Variants in CDH23 observed in about 807,000 individuals in gnomAD.
CDH23 encodes the protein cadherin-23.
A neutral mutation model predicts 317.1 loss-of-function variants in CDH23; 189 were observed. The observed-to-expected ratio is 0.60, with a 90% CI of 0.53 to 0.67. The LOEUF (loss-of-function observed/expected upper bound fraction) is 0.67, where lower values mean the gene tolerates loss of function less well. Among genes scored for constraint, CDH23 ranks in the 30% least tolerant of loss-of-function variants. The pLI, the probability that CDH23 is intolerant of heterozygous loss-of-function variation, is 0.00. For synonymous variants in CDH23, 1,839 were observed against 1,876.8 expected (o/e 0.98, Z 0.52); for missense variants, 4,401 against 4,592.4 (o/e 0.96, Z 1.20).
At chr10:71,771,699 C>T (rs1267918531) in intron 38 of CDH23, among the ~76,000 whole-genome samples, 1 of 152,224 alleles carries the variant, frequency 6.6e-6, no homozygotes, top group Non-Finnish European at 1.5e-5. Context: ...AGAGATGACC[C>T]TTTAGTATAC....
intron 1 of CDH23, among the ~76,000 whole-genome samples, chr10:71,420,490 G>A (rs1848741026): frequency 8.0e-6 from 1 of 124,542 alleles, no homozygotes; most frequent in Non-Finnish European, 1.7e-5. Flanking sequence ...TGGTGATGGT[G>A]ATGATGGTAA....
intron 2 of CDH23, among the ~76,000 whole-genome samples, chr10:71,445,428 CCA>C (rs1350022493): frequency 3.9e-5 from 6 of 152,216 alleles, no homozygotes; most frequent in Non-Finnish European, 8.8e-5. Flanking sequence ...CACCAGGGTT[CCA>C]CCCGTCAACC....
chr10:71,717,526 C>A (rs1283907487), intron 28 of CDH23: 1 of 152,290 alleles, frequency 6.6e-6, no homozygotes, highest in Non-Finnish European at 1.5e-5. Context: ...AGCAGACGGT[C>A]CTTGTCGATG....
chr10:71,709,011 C>T (rs1232503245), intron 26 of CDH23, 87 bp from the exon 27 acceptor site: 9 of 1,195,500 alleles, frequency 7.5e-6, no homozygotes, highest in East Asian at 2.4e-5. Context: ...CTCACCATCG[C>T]GGGTCCCAGC....
At chr10:71,428,918 T>C (rs72642226) in intron 1 of CDH23, among the ~76,000 whole-genome samples, 1,705 of 152,288 alleles carry the variant, frequency 0.011, 74 homozygotes, top group East Asian at 0.11. Flanking sequence ...TATGGAGAAA[T>C]TTGCCTCCTT....
intron 6 of CDH23, among the ~76,000 whole-genome samples, chr10:71,523,636 G>A (rs1015912591): frequency 1.1e-4 from 16 of 152,192 alleles, no homozygotes; most frequent in African/African-American, 2.9e-4. Flanking sequence ...TAGAGATCCC[G>A]TTTAACCGTT....
At chr10:71,683,996 G>A (rs375288790) in intron 18 of CDH23, among the ~76,000 whole-genome samples, 5 of 151,898 alleles carry the variant, frequency 3.3e-5, no homozygotes, top group Admixed American at 6.6e-5. Flanking sequence ...CAGGAGAATC[G>A]TTTGAACTCA....
chr10:71,574,701 G>C (rs1564662406), intron 8 of CDH23, among the ~76,000 whole-genome samples: 2 of 152,268 alleles, frequency 1.3e-5, no homozygotes, highest in Admixed American at 1.3e-4. Context: ...TGTGTCCACG[G>C]CTTTCCTGAC....
chr10:71,812,597 C>G lies in CDH23; in HGVS notation c.9498C>G (p.Pro3166=), dbSNP rs1478540337. Reference sequence around the variant, plus strand: ...AGATCGCCGACCTGTGGAACAGCCCCACGCGCACCCATGTGAGCCAGAGGC... The same window carrying G: ...AGATCGCCGACCTGTGGAACAGCCCGACGCGCACCCATGTGAGCCAGAGGC... ...LSEIADLWNS[P]TRTHGTFGRE... is the part of the protein sequence containing the mutation. Residue 3166 remains proline (P), a synonymous_variant, in exon 67 of 70, where the codon CCC becomes CCG. Transcript: ENST00000224721. The G allele has an allele frequency of 1.2e-6, 2 of 1,613,964 alleles. No homozygotes were observed. Among genetic ancestry groups the G allele is most frequent in the Admixed American group, 1.7e-5 (1 of 60,036 alleles).
At chr10:71,479,821 A>G (rs1363255804) in intron 3 of CDH23, among the ~76,000 whole-genome samples, 1 of 151,892 alleles carries the variant, frequency 6.6e-6, no homozygotes, top group African/African-American at 2.4e-5. Flanking sequence ...AGAGGCTGGG[A>G]TGTGTGTGTG....
chr10:71,439,838 C>T lies in CDH23; in HGVS notation c.7C>T (p.Arg3Cys), dbSNP rs7902757. The part of the protein sequence containing the change: MG[R>C]HVATSCHVAW... ...CTTTGTGTCCCCAGGAGCCATGGGG[C>T]GCCATGTTGCCACCAGCTGCCACGT... The change falls in exon 2 of 70, where the codon CGC (arginine) becomes TGC (cysteine). Residue 3 changes from arginine to cysteine, a missense_variant. By Grantham distance (180) the Arg-to-Cys change is radical (BLOSUM62 -3). This residue lies in a region of CDH23 where 3,068 missense variants were observed against 3,203.3 expected (regional missense o/e 0.96). Coordinates refer to ENST00000224721, the MANE Select transcript of CDH23 (RefSeq NM_022124.6). The T allele has an allele frequency of 0.04, 63,043 of 1,563,838 alleles. 5,378 individuals are homozygous for T. Among genetic ancestry groups the T allele is most frequent in the African/African-American group, 0.35 (25,629 of 73,416 alleles).
intron 38 of CDH23, among the ~76,000 whole-genome samples, chr10:71,744,835 G>T (rs1247473331): frequency 6.6e-6 from 1 of 152,186 alleles, no homozygotes; most frequent in East Asian, 1.9e-4. Flanking sequence ...GAACCATGAT[G>T]CTTTCTTCCA....
intron 9 of CDH23, among the ~76,000 whole-genome samples, chr10:71,584,670 T>C (rs988745838): frequency 1.3e-5 from 2 of 151,958 alleles, no homozygotes; most frequent in Admixed American, 6.6e-5. Flanking sequence ...CATGGCCTAG[T>C]GGGGGACAGC....
At chr10:71,402,487 A>C (rs574049504) in intron 1 of CDH23, among the ~76,000 whole-genome samples, 4 of 152,318 alleles carry the variant, frequency 2.6e-5, no homozygotes, top group Non-Finnish European at 5.9e-5. Flanking sequence ...ATAATTTTTC[A>C]ATTGCCCTAT....
At chr10:71,666,835 G>C (rs1372503513) in intron 14 of CDH23, among the ~76,000 whole-genome samples, 2 of 152,206 alleles carry the variant, frequency 1.3e-5, no homozygotes, top group East Asian at 1.9e-4. Context: ...GCTTACAAGA[G>C]TGCAGTTAAT....
At chr10:71,671,842 G>A (rs778151717) in intron 14 of CDH23, among the ~76,000 whole-genome samples, 2 of 152,182 alleles carry the variant, frequency 1.3e-5, no homozygotes, top group Non-Finnish European at 2.9e-5. Context: ...TGGGTGGGAG[G>A]TAATGACAGT....
chr10:71,512,543 C>T (rs1183099514), intron 6 of CDH23, among the ~76,000 whole-genome samples: 2 of 152,204 alleles, frequency 1.3e-5, no homozygotes, highest in African/African-American at 4.8e-5. Flanking sequence ...ACCAAGGGCA[C>T]GGCTCAGAGT....
In CDH23 at chr10:71,766,461, T is replaced by C. The variant is rs546629228; in HGVS notation, c.4846-11219T>C. On this transcript the variant is annotated intron_variant, in intron 38 of 69. Transcript: ENST00000224721. ...TGAGTCTCAGGAGTAAAACTCTCGCTTGGATTGCAACGTCCTGGGGCCTCA... is the reference window on the plus strand; with the variant it reads ...TGAGTCTCAGGAGTAAAACTCTCGCCTGGATTGCAACGTCCTGGGGCCTCA... 1.3e-5 allele frequency among the ~76,000 whole-genome samples: 2 copies of C among 152,286 alleles called. 1 individual carries two copies. Among genetic ancestry groups the C allele is most frequent in the South Asian group, 4.1e-4 (2 of 4,820 alleles).
chr10:71,590,404 G>T lies in CDH23; in HGVS notation c.832+12412G>T, dbSNP rs144636861. Among the ~76,000 whole-genome samples the T allele has an allele frequency of 4.4e-3, 667 of 152,290 alleles. 6 individuals carry two copies. The highest frequency in any genetic ancestry group is 0.015 in the African/African-American group (636 of 41,538). ...GGTGCAAGGTGGGTGGAATCAGGCTGCTTCTGCTTTCTATCTCACTGCCCC... is the reference window on the plus strand; with the variant it reads ...GGTGCAAGGTGGGTGGAATCAGGCTTCTTCTGCTTTCTATCTCACTGCCCC... On this transcript the variant is annotated intron_variant, in intron 9 of 69. Coordinates refer to ENST00000224721, the MANE Select transcript of CDH23 (RefSeq NM_022124.6).
Sources: allele counts gnomAD v4.1 joint callset (sites outside exome capture counted in the v4.1 genomes callset), GRCh38; gene constraint gnomAD v4.1.1; regional missense constraint gnomAD v4.1.1; transcripts MANE v1.5; gene names NCBI Gene and HGNC (gene_info 2026-07-23, HGNC 2026-07-21).